The following BMAL1 variants were observed in gnomAD, a reference collection of about 807,000 sequenced individuals.
BMAL1 encodes basic helix-loop-helix ARNT like 1.
the BMAL1 span, chr11:13,355,423 C>T: frequency 1.1e-6 from 1 of 944,770 alleles, no homozygotes; most frequent in South Asian, 1.4e-5. Flanking sequence ...TGGCCACAAA[C>T]CCTTTGTCTT....
At chr11:13,302,834 G>A in the BMAL1 span, among the ~76,000 whole-genome samples, 2 of 152,194 alleles carry the variant, frequency 1.3e-5, no homozygotes, top group African/African-American at 4.8e-5. Context: ...CTTTTAGGCA[G>A]CTCTTGAAGC....
chr11:13,279,251 A>G, the BMAL1 span, among the ~76,000 whole-genome samples: 5 of 152,338 alleles, frequency 3.3e-5, no homozygotes, highest in Non-Finnish European at 7.3e-5. Flanking sequence ...TTTGTGAACA[A>G]GCTTTTCTTG....
the BMAL1 span, chr11:13,376,797 TA>T: frequency 2.8e-6 from 4 of 1,452,974 alleles, no homozygotes; most frequent in Non-Finnish European, 3.8e-6. Context: ...TATCCTCCCC[TA>T]AAGTATTCAG....
the BMAL1 span, chr11:13,354,223 G>T: frequency 3.6e-6 from 1 of 276,634 alleles, no homozygotes; most frequent in Non-Finnish European, 6.3e-6. Flanking sequence ...AAACCCCCAA[G>T]CACCAACCTG....
the BMAL1 span, among the ~76,000 whole-genome samples, chr11:13,311,835 A>G: frequency 6.6e-6 from 1 of 152,206 alleles, no homozygotes; most frequent in Non-Finnish European, 1.5e-5. Flanking sequence ...GACCCTTGCC[A>G]TGAGACAAGA....
chr11:13,332,755 A>G, the BMAL1 span, among the ~76,000 whole-genome samples: 1 of 152,140 alleles, frequency 6.6e-6, no homozygotes, highest in South Asian at 2.1e-4. Flanking sequence ...GACTTGAGTA[A>G]GATCCAGGTC....
chr11:13,384,674 T>C, the BMAL1 span, among the ~76,000 whole-genome samples: 4 of 152,330 alleles, frequency 2.6e-5, no homozygotes, highest in South Asian at 2.1e-4. Context: ...GAAAAACATA[T>C]ATGAGAATCC....
At chr11:13,381,096 C>G in the BMAL1 span, 11 of 1,519,882 alleles carry the variant, frequency 7.2e-6, no homozygotes, top group Non-Finnish European at 9.1e-6. Flanking sequence ...TCACCTTTAC[C>G]CCTTAACAAA....
the BMAL1 span, chr11:13,375,848 A>G: frequency 7.7e-7 from 1 of 1,305,326 alleles, no homozygotes; most frequent in Non-Finnish European, 1.0e-6. Context: ...TGCAGGCAAC[A>G]TCCAGTATCA....
the BMAL1 span, among the ~76,000 whole-genome samples, chr11:13,316,193 C>T: frequency 6.6e-6 from 1 of 152,218 alleles, no homozygotes; most frequent in Non-Finnish European, 1.5e-5. Context: ...TCCGTCTGCC[C>T]TGGACTGTGG....
the BMAL1 span, among the ~76,000 whole-genome samples, chr11:13,370,572 C>G: frequency 2.0e-5 from 3 of 152,178 alleles, no homozygotes; most frequent in Non-Finnish European, 4.4e-5. Flanking sequence ...TCTTCAATCC[C>G]GTTAGTTATG....
chr11:13,289,978 A>AACTAGTTTTGT, the BMAL1 span, among the ~76,000 whole-genome samples: 2 of 148,738 alleles, frequency 1.3e-5, no homozygotes, highest in Non-Finnish European at 2.9e-5. Flanking sequence ...ACAATGATTG[A>AACTAGTTTTGT]ACTAGTTTAC....
chr11:13,356,908 G>T, the BMAL1 span: 1 of 1,586,354 alleles, frequency 6.3e-7, no homozygotes, highest in South Asian at 1.1e-5. Flanking sequence ...TGAGCCTGTG[G>T]GCGCTCACTG....
At chr11:13,329,898 C>T in the BMAL1 span, among the ~76,000 whole-genome samples, 9 of 152,276 alleles carry the variant, frequency 5.9e-5, no homozygotes, top group East Asian at 1.5e-3. Flanking sequence ...CCTGTCATGT[C>T]GATAGTTGAC....
At chr11:13,291,756 G>A in the BMAL1 span, among the ~76,000 whole-genome samples, 1 of 151,458 alleles carries the variant, frequency 6.6e-6, no homozygotes, top group Non-Finnish European at 1.5e-5. Flanking sequence ...CTGAATCAGA[G>A]TAAATAAAAG....
the BMAL1 span, among the ~76,000 whole-genome samples, chr11:13,385,459 C>A: frequency 2.0e-5 from 3 of 152,184 alleles, no homozygotes; most frequent in African/African-American, 7.2e-5. Flanking sequence ...TTTTATTCAG[C>A]CTTTAAGTTG....
At chr11:13,354,190 T>C in the BMAL1 span, 3 of 487,470 alleles carry the variant, frequency 6.2e-6, no homozygotes, top group South Asian at 1.8e-5. Context: ...GCCCCGGGTC[T>C]CCCCCCCCGG....
the BMAL1 span, among the ~76,000 whole-genome samples, chr11:13,373,436 A>G: frequency 7.9e-5 from 12 of 152,178 alleles, no homozygotes; most frequent in Admixed American, 7.2e-4. Context: ...TGTCCTGATA[A>G]AAAGGAGGCA....
At chr11:13,319,376 TG>T in the BMAL1 span, among the ~76,000 whole-genome samples, 7 of 152,222 alleles carry the variant, frequency 4.6e-5, no homozygotes, top group African/African-American at 1.7e-4. Context: ...GTAGGACTTT[TG>T]GTTTAAATGG....
Sources: gnomAD v4.1 joint callset for allele counts (sites outside exome capture counted in the v4.1 genomes callset) on GRCh38, gnomAD v4.1.1 for gene constraint, MANE v1.5 for transcripts, NCBI Gene and HGNC (gene_info 2026-07-23, HGNC 2026-07-21) for gene names.